The following HEATR1 variants were observed in gnomAD, a reference collection of about 807,000 sequenced individuals.
The protein encoded by HEATR1 is HEAT repeat-containing protein 1.
Under a neutral mutation model 248.2 loss-of-function variants are expected in HEATR1, and 77 were observed. That is an observed-to-expected ratio of 0.31 (90% CI 0.26 to 0.37). The LOEUF is 0.37. HEATR1 is among the 10% of genes least tolerant of loss of function. HEATR1 has a pLI of 1.00. For missense variants in HEATR1, 2,420 were observed against 2,504.9 expected, an observed-to-expected ratio of 0.97 and a Z score of 0.72; for synonymous variants, 897 against 923.1, an observed-to-expected ratio of 0.97 and a Z score of 0.51.
chr1:236,582,912 A>C, intron 18 of HEATR1, 40 bp from the exon 19 acceptor site: 1 of 1,610,554 alleles, frequency 6.2e-7, no homozygotes, highest in Non-Finnish European at 8.5e-7. Context: ...TAGATCCTAC[A>C]TGAACATGCT....
At chr1:236,558,128 AT>A (rs1663024747) in intron 36 of HEATR1, 108 bp downstream of exon 36, 1 of 1,230,224 alleles carries the variant, frequency 8.1e-7, no homozygotes. Flanking sequence ...ACAAATTCCA[AT>A]TTTATGCAAC....
Position 236,574,207 on chromosome 1 carries a change from T to G in HEATR1, c.3454A>C (p.Lys1152Gln). Residue 1152 changes from lysine to glutamine, a missense_variant, in exon 24 of 45, where the codon AAA becomes CAA. Coordinates refer to ENST00000366582, the MANE Select transcript of HEATR1 (RefSeq NM_018072.6). ...ACAAGAAGTTTGCAGCTTACCCCTTTAAAAACACTGCTGACAGTCTGAGCA... is the reference window on the plus strand; with the variant it reads ...ACAAGAAGTTTGCAGCTTACCCCTTGAAAAACACTGCTGACAGTCTGAGCA... Reference protein sequence around the residue: ...HCAQTVSSVFKGISVNAEQVR... With the variant: ...HCAQTVSSVFQGISVNAEQVR... The G allele has an allele frequency of 6.2e-7, 1 of 1,600,916 alleles. No homozygotes were observed. Among genetic ancestry groups the G allele is most frequent in the Non-Finnish European group, 8.5e-7 (1 of 1,176,696 alleles).
chr1:236,556,766 GC>G (rs1662990019), intron 37 of HEATR1, among the ~76,000 whole-genome samples: 1 of 152,106 alleles, frequency 6.6e-6, no homozygotes, highest in South Asian at 2.1e-4. Context: ...AATACCACTG[GC>G]CCCTAGCGTG....
intron 38 of HEATR1, 47 bp downstream of exon 38, chr1:236,556,053 T>C: frequency 6.2e-7 from 1 of 1,610,986 alleles, no homozygotes; most frequent in South Asian, 1.1e-5. Context: ...CACATTGCAG[T>C]ACCACCTCTC....
At chr1:236,551,078 C>T in intron 44 of HEATR1, 88 bp from the exon 45 acceptor site, 3 of 1,040,258 alleles carry the variant, frequency 2.9e-6, no homozygotes, top group East Asian at 2.6e-5. Context: ...ATGCCTTGCA[C>T]TTTCCGGCAA....
In HEATR1 at chr1:236,592,510, ACACG is replaced by A. The variant is rs755990717; in HGVS notation, c.1304+9_1304+12del. On this transcript the variant is annotated intron_variant, in intron 10 of 44. Transcript: ENST00000366582. Reference sequence around the variant, plus strand: ...GTACTTTAGAAGAGCATAAACATACACACGTAACTTACTTGCTTTCTAAAAGCCT... The same window carrying A: ...GTACTTTAGAAGAGCATAAACATACATAACTTACTTGCTTTCTAAAAGCCT... 1 of 1,025,934 alleles carries A rather than the reference ACACG, an allele frequency of 9.7e-7. No homozygotes were observed. The highest frequency in any genetic ancestry group is 1.3e-5 in the South Asian group (1 of 75,800). 63.6% of individuals were successfully genotyped at this position (1,025,934 alleles called of 1,614,324 possible).
chr1:236,553,503 C>A (rs1192848780), intron 43 of HEATR1, 78 bp downstream of exon 43: 2 of 1,421,358 alleles, frequency 1.4e-6, no homozygotes, highest in African/African-American at 2.9e-5. Context: ...AGGGGGCCTA[C>A]ATCTGTGACC....
At chr1:236,578,943 C>T (rs1272946064) in intron 20 of HEATR1, among the ~76,000 whole-genome samples, 1 of 152,136 alleles carries the variant, frequency 6.6e-6, no homozygotes, top group Non-Finnish European at 1.5e-5. Flanking sequence ...ATTCCTTTTA[C>T]AGTAATTAGT....
chr1:236,592,587 C>T lies in HEATR1; in HGVS notation c.1240G>A (p.Asp414Asn), dbSNP rs866515557. Residue 414 changes from aspartate to asparagine, a missense_variant, in exon 10 of 45, where the codon GAT becomes AAT. Asp to Asn is a conservative substitution (Grantham distance 23). Transcript: ENST00000366582. ...YISYSSQEEM[D>N]SNKVSLLNEQ... ...TTAAGCAAAGACACTTTATTAGAAT[C>T]CATTTCTTCCTGTGAACTATATGAA... 7 of 1,528,350 alleles carry T rather than the reference C, an allele frequency of 4.6e-6. No individual in the cohort carries two copies. The African/African-American group carries it at 6.8e-5, about 15-fold the overall frequency. 94.7% of individuals were successfully genotyped at this position (1,528,350 alleles called of 1,614,324 possible). A position where few individuals can be genotyped will look rare whatever the true frequency, so the allele number is the denominator to read the frequency against.
intron 31 of HEATR1, among the ~76,000 whole-genome samples, chr1:236,565,607 G>A (rs1663248678): frequency 6.6e-6 from 1 of 151,914 alleles, no homozygotes; most frequent in Non-Finnish European, 1.5e-5. Context: ...ATATTTTAAT[G>A]AGAAGCTGAG....
Position 236,555,648 on chromosome 1 carries a change from A to G in HEATR1, c.5657T>C (p.Leu1886Pro). Residue 1886 changes from leucine to proline, a missense_variant, in exon 40 of 45, where the codon CTG (leucine) becomes CCG (proline). Physicochemically the swap from Leu to Pro is moderately conservative, Grantham distance 98. Transcript: ENST00000366582. ...DFRAQHSEND[L>P]EEVGKTENCI... Reference sequence around the variant, plus strand: ...ATTTTCCGTTTTTCCAACTTCCTCCAGATCGTTCTGAAAACAGAAGAGCCC... The same window carrying G: ...ATTTTCCGTTTTTCCAACTTCCTCCGGATCGTTCTGAAAACAGAAGAGCCC... 1 of 1,614,238 alleles carries G rather than the reference A, an allele frequency of 6.2e-7. No individual in the cohort carries two copies. Among genetic ancestry groups the G allele is most frequent in the Non-Finnish European group, 8.5e-7 (1 of 1,180,014 alleles).
chr1:236,585,775 G>C (rs1349622623), intron 16 of HEATR1, 45 bp downstream of exon 16: 7 of 1,590,694 alleles, frequency 4.4e-6, no homozygotes, highest in Non-Finnish European at 6.0e-6. Flanking sequence ...TTTAATAAGA[G>C]TATGAGAAAG....
chr1:236,581,926 T>C (rs751616036), intron 19 of HEATR1, among the ~76,000 whole-genome samples: 90 of 152,282 alleles, frequency 5.9e-4, no homozygotes, highest in Admixed American at 5.2e-4. Context: ...AATATAGTAA[T>C]GGGCCTAACA....
At chr1:236,570,088 A>C (rs1663383115) in intron 28 of HEATR1, among the ~76,000 whole-genome samples, 1 of 152,154 alleles carries the variant, frequency 6.6e-6, no homozygotes, top group Non-Finnish European at 1.5e-5. Flanking sequence ...GGAGATCGAG[A>C]CCATCCTGGC....
chr1:236,599,824 A>C (rs1021884407), intron 3 of HEATR1, among the ~76,000 whole-genome samples, 200 bp from the exon 4 acceptor site: 1 of 152,238 alleles, frequency 6.6e-6, no homozygotes, highest in African/African-American at 2.4e-5. Flanking sequence ...GGTCCAGCCA[A>C]TTCCTATGCA....
At chr1:236,555,702 A>T (rs758907360) in intron 39 of HEATR1, 47 bp from the exon 40 acceptor site, 1 of 1,607,970 alleles carries the variant, frequency 6.2e-7, no homozygotes, top group Non-Finnish European at 8.5e-7. Context: ...ACCTGACTGT[A>T]AATTATTTTG....
chr1:236,568,426 G>C (rs1051244362), intron 29 of HEATR1, among the ~76,000 whole-genome samples: 1 of 152,188 alleles, frequency 6.6e-6, no homozygotes, highest in Non-Finnish European at 1.5e-5. Flanking sequence ...ATTAACAAGT[G>C]AAGGGTACAT....
intron 22 of HEATR1, among the ~76,000 whole-genome samples, chr1:236,575,265 A>G (rs1663535245): frequency 6.6e-6 from 1 of 152,222 alleles, no homozygotes; most frequent in South Asian, 2.1e-4. Flanking sequence ...CCAACTTGGT[A>G]TAATTAATAT....
In HEATR1 at chr1:236,585,224, A is replaced by AC. The variant is rs1663854132; in HGVS notation, c.2050-9_2050-8insG. The AC allele has an allele frequency of 1.2e-6, 2 of 1,602,432 alleles. No individual in the cohort carries two copies. Among genetic ancestry groups the AC allele is most frequent in the East Asian group, 4.5e-5 (2 of 44,778 alleles). ...GCTTATTAAATCCTCCACCTTGAAAAATAAACACACTCTATTACCAGTTGC... is the reference window on the plus strand; with the variant it reads ...GCTTATTAAATCCTCCACCTTGAAAACATAAACACACTCTATTACCAGTTGC... On this transcript the variant is annotated splice_polypyrimidine_tract_variant and intron_variant, in intron 16 of 44. Coordinates refer to ENST00000366582, the MANE Select transcript of HEATR1 (RefSeq NM_018072.6).
Sources: allele counts gnomAD v4.1 joint callset (sites outside exome capture counted in the v4.1 genomes callset), GRCh38; gene constraint gnomAD v4.1.1; transcripts MANE v1.5; gene names NCBI Gene and HGNC (gene_info 2026-07-23, HGNC 2026-07-21).